POM121: variants seen among roughly 807,000 people sequenced by gnomAD.
POM121 encodes nuclear envelope pore membrane protein POM 121.
In POM121, 32 loss-of-function variants were observed where a neutral mutation model predicts 81.3. That is an observed-to-expected ratio of 0.39 (90% CI 0.30 to 0.53). The LOEUF (loss-of-function observed/expected upper bound fraction) is 0.53. Ranked by LOEUF, POM121 falls within the 20% of genes least tolerant of loss-of-function variation. The pLI is 0.66. For synonymous variants in POM121, 514 were observed against 694.2 expected (o/e 0.74, Z 4.08); for missense variants, 1,138 against 1,614.6 (o/e 0.70, Z 5.06).
chr7:72,906,774 C>T (rs1242486222), intron 3 of POM121, among the ~76,000 whole-genome samples: 1 of 151,970 alleles, frequency 6.6e-6, no homozygotes, highest in Non-Finnish European at 1.5e-5. Flanking sequence ...AGGTATGTGC[C>T]CCCATGCCTG....
Position 72,943,010 on chromosome 7 carries a change from C to T in POM121, c.3017C>T (p.Ala1006Val). ...TFGNSAAPAA[A>V]PTPAPPSMIK... ...GGAAACTCTGCAGCCCCGGCTGCTGCACCCACACCTGCACCTCCGTCCATG... is the reference window on the plus strand; with the variant it reads ...GGAAACTCTGCAGCCCCGGCTGCTGTACCCACACCTGCACCTCCGTCCATG... Residue 1006 changes from alanine to valine, a missense_variant, in exon 11 of 13, where the codon GCA becomes GTA. Around this residue, in one of 7 missense-constraint regions of POM121, gnomAD observed 336 missense variants for 344.3 expected, o/e 0.98. Transcript: ENST00000434423. The T allele has an allele frequency of 3.7e-6, 6 of 1,613,690 alleles. No homozygotes were observed. The highest frequency in any genetic ancestry group is 5.1e-6 in the Non-Finnish European group (6 of 1,179,816).
chr7:72,880,693 A>G (rs1295551646), intron 1 of POM121, among the ~76,000 whole-genome samples: 1 of 151,646 alleles, frequency 6.6e-6, no homozygotes, highest in Non-Finnish European at 1.5e-5. Context: ...GTTAGAGACC[A>G]GCCTAGACAA....
rs1478862226 is a variant in POM121 at position 72,939,820 on chromosome 7, C to G, written c.1442-27C>G. 8 of 1,610,728 alleles carry G rather than the reference C, an allele frequency of 5.0e-6. No individual in the cohort carries two copies. In the Admixed American group the frequency reaches 1.3e-4, roughly 27 times the overall value. On this transcript the variant is annotated intron_variant, in intron 7 of 12. Coordinates refer to ENST00000434423, the MANE Select transcript of POM121 (RefSeq NM_001387691.1). ...TCCATTTCTGGAAGAGGGAAGGAAG[C>G]AAACGAGTCTTGATTTCTTTCTTTA...
chr7:72,881,672 G>C (rs879957308), intron 1 of POM121, among the ~76,000 whole-genome samples: 6 of 151,602 alleles, frequency 4.0e-5, no homozygotes, highest in East Asian at 3.9e-4. Context: ...CTCTGTTGCC[G>C]AGGCTGCAGT....
chr7:72,928,546 CTT>C (rs1418562054), intron 4 of POM121, 81 bp downstream of exon 4: 9 of 1,520,624 alleles, frequency 5.9e-6, no homozygotes, highest in African/African-American at 1.4e-5. Flanking sequence ...AGATTTTCCT[CTT>C]TGTTTTTTGC....
intron 1 of POM121, among the ~76,000 whole-genome samples, chr7:72,889,952 C>A (rs1324428132): frequency 6.6e-6 from 1 of 152,200 alleles, no homozygotes; most frequent in Non-Finnish European, 1.5e-5. Context: ...GTCTGTGAAG[C>A]CTAATCTGAT....
At chr7:72,949,986 G>A (rs781956589), downstream of POM121, 117 of 1,588,922 alleles carry the variant, frequency 7.4e-5, 1 homozygote, top group Non-Finnish European at 9.5e-5. Context: ...ACAGGGGCCG[G>A]GTAAACAGAG....
intron 1 of POM121, among the ~76,000 whole-genome samples, chr7:72,884,701 T>G (rs1490251964): frequency 8.0e-5 from 12 of 149,774 alleles, no homozygotes; most frequent in Admixed American, 7.3e-4. Flanking sequence ...TACTTCATTC[T>G]TAACATTTTC....
chr7:72,881,628 A>G (rs1790165630), intron 1 of POM121, among the ~76,000 whole-genome samples: 1 of 151,876 alleles, frequency 6.6e-6, no homozygotes. Context: ...AAGGATTCAT[A>G]CTTTTTTTTT....
intron 3 of POM121, among the ~76,000 whole-genome samples, chr7:72,891,922 T>C (rs567820331): frequency 1.3e-5 from 2 of 152,332 alleles, no homozygotes; most frequent in Admixed American, 1.3e-4. Flanking sequence ...TCACAGCTTG[T>C]GGTGTACGTT....
At chr7:72,892,191 G>A (rs1358512663) in intron 3 of POM121, among the ~76,000 whole-genome samples, 5 of 152,218 alleles carry the variant, frequency 3.3e-5, no homozygotes, top group African/African-American at 7.2e-5. Context: ...CCGTAAAAGA[G>A]TTTATCTAAT....
At chr7:72,904,221 C>G (rs144471511) in intron 3 of POM121, among the ~76,000 whole-genome samples, 1,542 of 152,314 alleles carry the variant, frequency 0.01, 17 homozygotes, top group African/African-American at 0.035. Flanking sequence ...GTGCTCTGCA[C>G]TCAGCATGTG....
chr7:72,906,295 C>G (rs1382938473), intron 3 of POM121, among the ~76,000 whole-genome samples: 1 of 152,202 alleles, frequency 6.6e-6, no homozygotes, highest in Non-Finnish European at 1.5e-5. Flanking sequence ...GGCTGGTCCT[C>G]AGAGACCCAT....
chr7:72,926,603 C>T, intron 2 of POM121, 126 bp downstream of exon 2: 2 of 1,506,458 alleles, frequency 1.3e-6, no homozygotes, highest in Non-Finnish European at 9.0e-7. Flanking sequence ...TGAGAAATAC[C>T]AAATTCTAGT....
Position 72,925,443 on chromosome 7 carries a change from T to C in POM121, c.322T>C (p.Ser108Pro). ...KARHRRTLFA[S>P]PLAKSTANGN... ...GCGTCATCGGCGAACACTGTTCGCT[T>C]CGCCTCTGGCCAAGTCGACAGCCAA... The change falls in exon 1 of 13, where the codon TCG becomes CCG. Residue 108 changes from serine to proline, a missense_variant. Transcript: ENST00000434423. 1 of 1,533,824 alleles carries C rather than the reference T, an allele frequency of 6.5e-7. No homozygotes were observed. Among genetic ancestry groups the C allele is most frequent in the Non-Finnish European group, 8.7e-7 (1 of 1,146,586 alleles).
intron 3 of POM121, among the ~76,000 whole-genome samples, chr7:72,893,805 T>C (rs1214589535): frequency 6.6e-6 from 1 of 152,134 alleles, no homozygotes. Context: ...TTACTGTGCT[T>C]CCGCTCCCTT....
intron 4 of POM121, among the ~76,000 whole-genome samples, chr7:72,914,721 A>T (rs1563146908): frequency 6.6e-6 from 1 of 152,114 alleles, no homozygotes; most frequent in Non-Finnish European, 1.5e-5. Flanking sequence ...TGCACAAAGC[A>T]GGTGGTGGTA....
chr7:72,900,497 C>T, intron 3 of POM121, among the ~76,000 whole-genome samples: 1 of 151,780 alleles, frequency 6.6e-6, no homozygotes, highest in African/African-American at 2.4e-5. Flanking sequence ...TCTACTCTTA[C>T]ATTTTTATTT....
At chr7:72,907,794 A>T (rs782235346) in intron 3 of POM121, among the ~76,000 whole-genome samples, 1 of 152,090 alleles carries the variant, frequency 6.6e-6, no homozygotes, top group Non-Finnish European at 1.5e-5. Flanking sequence ...TACAGGCGTG[A>T]GCCACCGCGC....
Sources: gnomAD v4.1 joint callset for allele counts (sites outside exome capture counted in the v4.1 genomes callset) on GRCh38, gnomAD v4.1.1 for gene constraint, gnomAD v4.1.1 regional missense constraint, MANE v1.5 for transcripts, NCBI Gene and HGNC (gene_info 2026-07-23, HGNC 2026-07-21) for gene names.